The following SLC35F3 variants were observed in gnomAD, a reference collection of about 807,000 sequenced individuals.
The protein encoded by SLC35F3 is solute carrier family 35 member F3, also known as putative thiamine transporter SLC35F3.
Under a neutral mutation model 49.9 loss-of-function variants are expected in SLC35F3, and 25 were observed. The ratio of observed to expected loss-of-function variants is 0.50; its 90% confidence interval spans 0.37 to 0.70. SLC35F3 has a LOEUF of 0.70. SLC35F3 is among the 30% of genes least tolerant of loss of function. The pLI, the probability that SLC35F3 is intolerant of heterozygous loss-of-function variation, is 0.00. For missense variants in SLC35F3, 525 were observed against 639.8 expected, an observed-to-expected ratio of 0.82 and a Z score of 1.94; for synonymous variants, 275 against 265.4, an observed-to-expected ratio of 1.04 and a Z score of -0.35.
Position 234,109,675 on chromosome 1 carries a change from C to T in SLC35F3, c.284-121742C>T, listed in dbSNP as rs150530668. 2.6e-3 allele frequency among the ~76,000 whole-genome samples: 397 copies of T among 152,250 alleles called. 4 individuals carry two copies. The highest frequency in any genetic ancestry group is 0.019 in the South Asian group (90 of 4,816). ...TGTGTGCTAGGACTGTTCTAGGCAA[C>T]AGGATGCAAAAGTGAGCTCGTACTG... is the stretch of plus-strand genomic sequence containing the variant. On this transcript the variant is annotated intron_variant, in intron 2 of 7. Transcript: ENST00000366618.
chr1:234,017,350 C>T (rs1663818326), intron 2 of SLC35F3, among the ~76,000 whole-genome samples: 1 of 152,124 alleles, frequency 6.6e-6, no homozygotes. Flanking sequence ...AGGTTAGGTT[C>T]CTGTGAGCTT....
intron 2 of SLC35F3, among the ~76,000 whole-genome samples, chr1:234,112,273 C>A (rs10910338): frequency 0.2 from 30,638 of 152,060 alleles, 3,770 homozygotes; most frequent in Non-Finnish European, 0.28. Flanking sequence ...ATTCCTTGAG[C>A]CTGGGAGTAG....
chr1:233,915,916 T>G (rs1661961149), intron 2 of SLC35F3, among the ~76,000 whole-genome samples: 1 of 152,128 alleles, frequency 6.6e-6, no homozygotes, highest in Non-Finnish European at 1.5e-5. Context: ...TCCCACAACA[T>G]GTGGGAATTC....
intron 2 of SLC35F3, among the ~76,000 whole-genome samples, chr1:233,924,488 A>G (rs1306495730): frequency 6.6e-6 from 1 of 152,078 alleles, no homozygotes; most frequent in African/African-American, 2.4e-5. Flanking sequence ...ATCGGTGGTG[A>G]TATCTGCCTT....
At chr1:233,940,688 A>G (rs947498927) in intron 2 of SLC35F3, among the ~76,000 whole-genome samples, 2 of 152,158 alleles carry the variant, frequency 1.3e-5, no homozygotes, top group African/African-American at 2.4e-5. Context: ...TATTTGCATT[A>G]TGCTGTCATT....
intron 2 of SLC35F3, among the ~76,000 whole-genome samples, chr1:234,187,627 A>T (rs1666664186): frequency 1.3e-5 from 2 of 152,230 alleles, no homozygotes; most frequent in African/African-American, 4.8e-5. Flanking sequence ...TCATCCGCCC[A>T]TGAACGCGTG....
chr1:234,234,482 G>T (rs939372653), intron 3 of SLC35F3, among the ~76,000 whole-genome samples: 4 of 148,520 alleles, frequency 2.7e-5, no homozygotes, highest in African/African-American at 1.1e-4. Context: ...CAGTGGGTCT[G>T]AGTGGATCTG....
At chr1:233,982,536 G>A (rs1006812431) in intron 2 of SLC35F3, among the ~76,000 whole-genome samples, 3 of 151,802 alleles carry the variant, frequency 2.0e-5, no homozygotes, top group Non-Finnish European at 4.4e-5. Context: ...CACCATGCTC[G>A]GCTAATTTTG....
intron 2 of SLC35F3, among the ~76,000 whole-genome samples, chr1:234,147,230 C>CTTTTTTTTTTT (rs201359916): frequency 8.8e-5 from 11 of 125,092 alleles, no homozygotes; most frequent in Non-Finnish European, 1.4e-4. Context: ...TTTCTATTTT[C>CTTTTTTTTTTT]TTTTTTTTTT....
intron 6 of SLC35F3, among the ~76,000 whole-genome samples, chr1:234,319,413 C>T (rs777103309): frequency 6.6e-6 from 1 of 152,208 alleles, no homozygotes; most frequent in African/African-American, 2.4e-5. Context: ...TCTAAAAACA[C>T]ATATCCCAGC....
At chr1:234,154,908 A>C (rs1666128854) in intron 2 of SLC35F3, among the ~76,000 whole-genome samples, 1 of 152,130 alleles carries the variant, frequency 6.6e-6, no homozygotes, top group Admixed American at 6.5e-5. Flanking sequence ...TCATCCATCT[A>C]TATCCGGGGG....
At chr1:234,090,316 G>A (rs961949928) in intron 2 of SLC35F3, among the ~76,000 whole-genome samples, 5 of 152,280 alleles carry the variant, frequency 3.3e-5, no homozygotes, top group South Asian at 4.1e-4. Context: ...GCACACAGCC[G>A]TGATACTACG....
intron 2 of SLC35F3, among the ~76,000 whole-genome samples, chr1:234,166,570 T>C (rs1365680023): frequency 6.6e-6 from 1 of 151,922 alleles, no homozygotes; most frequent in Non-Finnish European, 1.5e-5. Context: ...ACTCTAGGGG[T>C]ATGTTTGGCA....
chr1:234,211,620 C>T (rs762514687), intron 2 of SLC35F3, among the ~76,000 whole-genome samples: 9 of 152,342 alleles, frequency 5.9e-5, no homozygotes, highest in Admixed American at 1.3e-4. Context: ...GTAGCCACTT[C>T]GTTTTGGCCA....
At chr1:233,958,537 T>C (rs1662742442) in intron 2 of SLC35F3, among the ~76,000 whole-genome samples, 1 of 152,226 alleles carries the variant, frequency 6.6e-6, no homozygotes, top group South Asian at 2.1e-4. Flanking sequence ...TTCAACCAAG[T>C]GACATCTGAT....
chr1:234,111,982 AATGCAGGCC>A (rs1665413760), intron 2 of SLC35F3, among the ~76,000 whole-genome samples: 1 of 152,074 alleles, frequency 6.6e-6, no homozygotes, highest in South Asian at 2.1e-4. Context: ...GCCTGAGATA[AATGCAGGCC>A]ATGCTTTCGG....
At chr1:234,048,580 A>C (rs143881146) in intron 2 of SLC35F3, among the ~76,000 whole-genome samples, 27 of 152,274 alleles carry the variant, frequency 1.8e-4, no homozygotes, top group Middle Eastern at 3.4e-3. Context: ...AACTGCCTCT[A>C]CCTCATTTTC....
chr1:234,208,687 T>A (rs567084785), intron 2 of SLC35F3, among the ~76,000 whole-genome samples: 2 of 152,294 alleles, frequency 1.3e-5, no homozygotes, highest in African/African-American at 4.8e-5. Flanking sequence ...AAACTTACAC[T>A]CCTGGCATGT....
Position 234,323,904 on chromosome 1 carries a change from A to G in SLC35F3, c.*661A>G, listed in dbSNP as rs1377906600. Reference sequence around the variant, plus strand: ...ACGTGTCTGTGTAAGATCATGCAAGAGAAATCACAGTGCCTTCTACAGAAT... The same window carrying G: ...ACGTGTCTGTGTAAGATCATGCAAGGGAAATCACAGTGCCTTCTACAGAAT... On this transcript the variant is annotated 3_prime_UTR_variant, in exon 8 of 8. Coordinates refer to ENST00000366618, the MANE Select transcript of SLC35F3 (RefSeq NM_173508.4). This position sits in a 1 kb window ranked among gnomAD's most constrained non-coding sequence, Gnocchi z 4.5. The G allele has an allele frequency of 3.3e-5, 5 of 152,408 alleles. No homozygotes were observed. The highest frequency in any genetic ancestry group is 9.6e-5 in the African/African-American group (4 of 41,460). 9.4% of individuals were successfully genotyped at this position (152,408 alleles called of 1,614,324 possible).
Sources: gnomAD v4.1 joint callset for allele counts (sites outside exome capture counted in the v4.1 genomes callset) on GRCh38, gnomAD v4.1.1 for gene constraint, Gnocchi (gnomAD v3.1) non-coding constraint, MANE v1.5 for transcripts, NCBI Gene and HGNC (gene_info 2026-07-23, HGNC 2026-07-21) for gene names.